The following CLSTN2 variants were observed in gnomAD, a reference collection of about 807,000 sequenced individuals.
CLSTN2 encodes calsyntenin-2.
CLSTN2 carries 48 observed loss-of-function variants against 101.2 expected under a neutral mutation model. That is an observed-to-expected ratio of 0.47 (90% confidence interval 0.38 to 0.60). CLSTN2 has a LOEUF of 0.60. Among genes scored for constraint, CLSTN2 ranks in the 20% least tolerant of loss-of-function variants. The pLI is 0.00. For synonymous variants in CLSTN2, 481 were observed against 463.6 expected (o/e 1.04, Z -0.48); for missense variants, 1,160 against 1,238.2 (o/e 0.94, Z 0.95).
At chr3:140,549,970 T>C (rs955781006) in intron 10 of CLSTN2, among the ~76,000 whole-genome samples, 5 of 150,604 alleles carry the variant, frequency 3.3e-5, no homozygotes, top group African/African-American at 9.8e-5. Context: ...ATTGTATCCA[T>C]ACAAGATACT....
intron 1 of CLSTN2, among the ~76,000 whole-genome samples, chr3:139,997,679 A>G (rs1293439817): frequency 6.6e-6 from 1 of 152,186 alleles, no homozygotes; most frequent in Non-Finnish European, 1.5e-5. Flanking sequence ...CTTCTTCAGA[A>G]GTGATGTGGT....
At chr3:140,332,763 G>A (rs1576519302) in intron 2 of CLSTN2, among the ~76,000 whole-genome samples, 1 of 151,526 alleles carries the variant, frequency 6.6e-6, no homozygotes. Context: ...GAGATAGGTA[G>A]GAGACAAGGA....
At chr3:140,526,200 C>CCTGAAACTGATAAAGTTT (rs1276980088) in intron 8 of CLSTN2, among the ~76,000 whole-genome samples, 1 of 151,804 alleles carries the variant, frequency 6.6e-6, no homozygotes, top group African/African-American at 2.4e-5. Flanking sequence ...CCAAAAGGCT[C>CCTGAAACTGATAAAGTTT]CTGAAACTGA....
At chr3:139,983,871 T>G (rs191130458) in intron 1 of CLSTN2, among the ~76,000 whole-genome samples, 39 of 152,316 alleles carry the variant, frequency 2.6e-4, no homozygotes, top group African/African-American at 7.7e-4. Flanking sequence ...TGTAATAATA[T>G]GAAATTAAAA....
intron 5 of CLSTN2, among the ~76,000 whole-genome samples, chr3:140,439,046 G>T (rs866691351): frequency 4.6e-5 from 7 of 152,348 alleles, no homozygotes; most frequent in Middle Eastern, 6.8e-3. Flanking sequence ...GCTCTAAAGA[G>T]GTGGTGCCCA....
chr3:140,440,361 A>G (rs2088747583), intron 5 of CLSTN2, among the ~76,000 whole-genome samples: 1 of 152,266 alleles, frequency 6.6e-6, no homozygotes, highest in African/African-American at 2.4e-5. Flanking sequence ...TTGTGAAAAT[A>G]AAATATAGTA....
rs369992141 is a variant in CLSTN2, at chr3:140,053,807, CA to C, written c.109+118325del. Among the ~76,000 whole-genome samples the C allele has an allele frequency of 8.0e-4, 122 of 152,296 alleles. 1 individual carries two copies. Among genetic ancestry groups the C allele is most frequent in the Middle Eastern group, 3.4e-3 (1 of 294 alleles). The stretch of plus-strand genomic sequence containing the variant: ...GAAATGGAATCAATAACACCTATCT[CA>C]GGGGGTTATTGTGGAGATGGAGTGA... On this transcript the variant is annotated intron_variant, in intron 1 of 16. Transcript: ENST00000458420.
At chr3:140,484,294 C>A (rs1385793082) in intron 8 of CLSTN2, among the ~76,000 whole-genome samples, 1 of 152,176 alleles carries the variant, frequency 6.6e-6, no homozygotes, top group Non-Finnish European at 1.5e-5. Flanking sequence ...TATTGGCCCC[C>A]ACTCTCTTCT....
chr3:140,105,755 C>T (rs1229284267), intron 1 of CLSTN2, among the ~76,000 whole-genome samples: 6 of 152,186 alleles, frequency 3.9e-5, no homozygotes, highest in African/African-American at 1.4e-4. Flanking sequence ...CATCTTATCT[C>T]CTGTGTACAG....
intron 9 of CLSTN2, among the ~76,000 whole-genome samples, chr3:140,535,089 C>T (rs1488378243): frequency 6.6e-6 from 1 of 152,220 alleles, no homozygotes; most frequent in African/African-American, 2.4e-5. Flanking sequence ...TCCACCAATG[C>T]AACCACCATG....
intron 1 of CLSTN2, among the ~76,000 whole-genome samples, chr3:140,105,186 A>G (rs1334416017): frequency 2.6e-5 from 4 of 152,218 alleles, no homozygotes; most frequent in East Asian, 1.9e-4. Flanking sequence ...ATGATATATC[A>G]TCTTTAAGTA....
At chr3:140,507,630 CT>C (rs1336269919) in intron 8 of CLSTN2, 3 of 152,168 alleles carry the variant, frequency 2.0e-5, no homozygotes, top group Non-Finnish European at 4.4e-5. Flanking sequence ...TTCACCATCA[CT>C]TTCTGATCTC....
chr3:140,356,552 G>A (rs1414249797), intron 2 of CLSTN2, among the ~76,000 whole-genome samples: 2 of 152,086 alleles, frequency 1.3e-5, no homozygotes, highest in Non-Finnish European at 2.9e-5. Flanking sequence ...AAGGTCAGGA[G>A]TTCGAGAACA....
intron 5 of CLSTN2, among the ~76,000 whole-genome samples, chr3:140,438,194 C>G (rs981679182): frequency 6.6e-6 from 1 of 151,992 alleles, no homozygotes; most frequent in African/African-American, 2.4e-5. Flanking sequence ...AACTGAGATA[C>G]ATTTTGTCAA....
intron 9 of CLSTN2, among the ~76,000 whole-genome samples, chr3:140,546,035 G>C (rs1935577082): frequency 6.6e-6 from 1 of 152,190 alleles, no homozygotes; most frequent in Non-Finnish European, 1.5e-5. Flanking sequence ...ACCAGAACTA[G>C]AGCTCCAGCT....
intron 4 of CLSTN2, among the ~76,000 whole-genome samples, chr3:140,420,878 C>T (rs945921148): frequency 3.9e-5 from 5 of 129,512 alleles, no homozygotes; most frequent in African/African-American, 7.2e-5. Flanking sequence ...GGCGTGTGCT[C>T]GAAATTCCCT....
chr3:140,576,705 A>G lies in CLSTN2; in HGVS notation c.*10452A>G, dbSNP rs1185783467. Reference sequence around the variant, plus strand: ...TTCAATCACTGCTACTGTCTGGGCCATTACTGCCAGTCTGGCCGGTGTCTC... The same window carrying G: ...TTCAATCACTGCTACTGTCTGGGCCGTTACTGCCAGTCTGGCCGGTGTCTC... On this transcript the variant is annotated 3_prime_UTR_variant, in exon 17 of 17. Transcript: ENST00000458420. The G allele has an allele frequency of 6.6e-6, 1 of 152,214 alleles. No individual in the cohort carries two copies. The highest frequency in any genetic ancestry group is 1.5e-5 in the Non-Finnish European group (1 of 68,092). 9.4% of individuals were successfully genotyped at this position (152,214 alleles called of 1,614,324 possible).
chr3:140,016,713 C>T (rs1024539005), intron 1 of CLSTN2, among the ~76,000 whole-genome samples: 7 of 145,512 alleles, frequency 4.8e-5, no homozygotes, highest in African/African-American at 1.5e-4. Context: ...GCAGGAGAAT[C>T]GCTTGAACCT....
At chr3:140,476,433 A>G (rs1933985735) in intron 8 of CLSTN2, among the ~76,000 whole-genome samples, 1 of 152,244 alleles carries the variant, frequency 6.6e-6, no homozygotes, top group African/African-American at 2.4e-5. Flanking sequence ...TGCTTTCCAC[A>G]TCTCTCATCT....
Sources: gnomAD v4.1 joint callset for allele counts (sites outside exome capture counted in the v4.1 genomes callset) on GRCh38, gnomAD v4.1.1 for gene constraint, MANE v1.5 for transcripts, NCBI Gene and HGNC (gene_info 2026-07-23, HGNC 2026-07-21) for gene names.